The following NTF3 variants were observed in gnomAD, a reference collection of about 807,000 sequenced individuals.
NTF3 encodes the protein neurotrophin-3.
In NTF3, 8 loss-of-function variants were observed where a neutral mutation model predicts 26.3. The observed-to-expected ratio is 0.30, with a 90% CI of 0.18 to 0.55. The LOEUF is 0.55. NTF3 is among the 20% of genes least tolerant of loss of function. The probability of loss-of-function intolerance (pLI) is 0.93; values close to 1 mark genes in which losing one functional copy is unlikely to be tolerated. For missense variants in NTF3, 276 were observed against 352.9 expected, an observed-to-expected ratio of 0.78 and a Z score of 1.75; for synonymous variants, 154 against 145.5, an observed-to-expected ratio of 1.06 and a Z score of -0.42.
Position 5,494,482 on chromosome 12 carries a change from A to C in NTF3, c.307A>C (p.Thr103Pro), listed in dbSNP as rs764224887. Reference sequence around the variant, plus strand: ...ATTCCAGCCGGTGATTGCAATGGACACCGAACTGCTGCGACAACAGAGACG... The same window carrying C: ...ATTCCAGCCGGTGATTGCAATGGACCCCGAACTGCTGCGACAACAGAGACG... Reference protein sequence around the residue: ...SAFQPVIAMDTELLRQQRRYN... With the variant: ...SAFQPVIAMDPELLRQQRRYN... Residue 103 changes from threonine (T) to proline (P), a missense_variant, in exon 2 of 2, where the codon ACC becomes CCC. Thr to Pro is a conservative substitution (Grantham distance 38). Around this residue, in one of 3 missense-constraint regions of NTF3, gnomAD observed 221 missense variants for 258.2 expected, o/e 0.86. Transcript: ENST00000423158. This position sits in a 1 kb window ranked among gnomAD's most constrained non-coding sequence, Gnocchi z 8.3. 2.5e-6 allele frequency: 4 copies of C among 1,613,748 alleles called. No individual in the cohort carries two copies. Among genetic ancestry groups the C allele is most frequent in the Non-Finnish European group, 3.4e-6 (4 of 1,180,006 alleles).
intron 1 of NTF3, among the ~76,000 whole-genome samples, chr12:5,474,961 G>A (rs917016798): frequency 7.2e-5 from 11 of 152,254 alleles, no homozygotes; most frequent in African/African-American, 2.4e-4. Flanking sequence ...GGGGGAGGAT[G>A]GTGACTTCAG....
chr12:5,444,410 G>A (rs1299490987), intron 1 of NTF3, among the ~76,000 whole-genome samples: 1 of 152,196 alleles, frequency 6.6e-6, no homozygotes, highest in Non-Finnish European at 1.5e-5. Flanking sequence ...CAACAGATAT[G>A]GAGCCAAACA....
In NTF3 at chr12:5,494,170, T is replaced by C. The variant is rs377629323; in HGVS notation, c.19-24T>C. On this transcript the variant is annotated intron_variant, in intron 1 of 1. Transcript: ENST00000423158. This position sits in a 1 kb window ranked among gnomAD's most constrained non-coding sequence, Gnocchi z 8.3. ...CAGACTCAGCTGCCAGAGCCTGCTCTTAACACCTGTGTTTCCTTTTCAGAT... is the reference window on the plus strand; with the variant it reads ...CAGACTCAGCTGCCAGAGCCTGCTCCTAACACCTGTGTTTCCTTTTCAGAT... The C allele has an allele frequency of 2.9e-5, 46 of 1,605,816 alleles. No homozygotes were observed. In the African/African-American group the frequency reaches 5.3e-4, roughly 19 times the overall value.
At chr12:5,454,468 G>T (rs914396681) in intron 1 of NTF3, among the ~76,000 whole-genome samples, 10 of 152,270 alleles carry the variant, frequency 6.6e-5, no homozygotes, top group Admixed American at 5.9e-4. Context: ...ATATCTTGGT[G>T]GTAGACACAA....
At chr12:5,459,627 C>T (rs911132221) in intron 1 of NTF3, among the ~76,000 whole-genome samples, 1 of 152,176 alleles carries the variant, frequency 6.6e-6, no homozygotes, top group Non-Finnish European at 1.5e-5. Context: ...CCTGCAGTTG[C>T]AATACGAGAG....
chr12:5,479,018 G>A (rs1197775695), intron 1 of NTF3, among the ~76,000 whole-genome samples: 1 of 152,210 alleles, frequency 6.6e-6, no homozygotes, highest in Non-Finnish European at 1.5e-5. Flanking sequence ...TAGTTCAGTT[G>A]TCTCATTAGC....
At chr12:5,482,934 C>T (rs1304114837) in intron 1 of NTF3, among the ~76,000 whole-genome samples, 3 of 151,270 alleles carry the variant, frequency 2.0e-5, no homozygotes, top group East Asian at 3.9e-4. Flanking sequence ...CTCCTTCTCT[C>T]GGTTCTGTAT....
At chr12:5,481,347 C>G (rs539890621) in intron 1 of NTF3, among the ~76,000 whole-genome samples, 2 of 151,930 alleles carry the variant, frequency 1.3e-5, no homozygotes, top group East Asian at 3.9e-4. Context: ...CCCAGCACAC[C>G]ACGCACACAT....
At position 5,432,290 on chromosome 12, in the gene NTF3, A is replaced by C. The variant is rs1467496010; in HGVS notation, c.-35A>C. The C allele has an allele frequency of 6.2e-7, 1 of 1,611,470 alleles. No homozygotes were observed. The highest frequency in any genetic ancestry group is 8.5e-7 in the Non-Finnish European group (1 of 1,178,994). On this transcript the variant is annotated 5_prime_UTR_variant, in exon 1 of 2. It removes an upstream start codon present in the reference 5' UTR. Transcript: ENST00000423158. ...CGAGCTCGCGTCCACCTTTCTCTTC[A>C]TGTCGACGTCCCTGGAAACGGCCAC... is the stretch of plus-strand genomic sequence containing the variant.
rs1940683856 is a variant in NTF3 at position 5,473,015 on chromosome 12, C to G, written c.19-21179C>G. The stretch of plus-strand genomic sequence containing the variant: ...AAGCTAGATATATTCTTGAAAGGCT[C>G]CAGCAGCAGAGTTCCCGTCTTGTTT... On this transcript the variant is annotated intron_variant, in intron 1 of 1. Coordinates refer to ENST00000423158, the MANE Select transcript of NTF3 (RefSeq NM_001102654.2). Among the ~76,000 whole-genome samples the G allele has an allele frequency of 2.0e-5, 3 of 152,176 alleles. No homozygotes were observed. The South Asian group carries it at 6.2e-4, about 31-fold the overall frequency.
chr12:5,468,858 C>A (rs1047479848), intron 1 of NTF3, among the ~76,000 whole-genome samples: 1 of 152,216 alleles, frequency 6.6e-6, no homozygotes, highest in South Asian at 2.1e-4. Flanking sequence ...TGGTGGCTCA[C>A]ACCTGTAGTC....
intron 1 of NTF3, among the ~76,000 whole-genome samples, chr12:5,438,559 AT>A (rs75379575): frequency 0.078 from 11,840 of 151,254 alleles, 570 homozygotes; most frequent in Non-Finnish European, 0.11. Flanking sequence ...GTTGAGCCCC[AT>A]TTTTTTTTGT....
chr12:5,430,456 C>T (rs1029848492), upstream of NTF3, among the ~76,000 whole-genome samples: 14 of 151,164 alleles, frequency 9.3e-5, no homozygotes, highest in African/African-American at 3.4e-4. Flanking sequence ...CCTACCCTTG[C>T]GAGGGACCGC....
intron 1 of NTF3, among the ~76,000 whole-genome samples, chr12:5,476,844 A>G (rs1399915343): frequency 6.6e-6 from 1 of 152,238 alleles, no homozygotes; most frequent in African/African-American, 2.4e-5. Context: ...GTGAAATAAG[A>G]AAGTTCCAGA....
At chr12:5,431,961 C>CG (rs376881723), upstream of NTF3, among the ~76,000 whole-genome samples, 2,192 of 126,002 alleles carry the variant, frequency 0.017, 26 homozygotes, top group Admixed American at 0.04. Context: ...GAAGTGAGGG[C>CG]GGGGGGGGGG....
intron 1 of NTF3, among the ~76,000 whole-genome samples, chr12:5,452,372 G>A (rs1338875667): frequency 6.6e-6 from 1 of 152,156 alleles, no homozygotes; most frequent in Non-Finnish European, 1.5e-5. Context: ...TGGAATTACA[G>A]GCGTGAGCCA....
intron 1 of NTF3, among the ~76,000 whole-genome samples, chr12:5,481,734 C>T (rs1198608212): frequency 1.3e-5 from 2 of 151,144 alleles, no homozygotes; most frequent in African/African-American, 4.9e-5. Context: ...CACACACACA[C>T]AGAATAACAC....
rs1940102046 is a variant in NTF3, at chr12:5,432,340, A to G, written c.16A>G (p.Thr6Ala). 2 of 1,611,262 alleles carry G rather than the reference A, an allele frequency of 1.2e-6. No individual in the cohort carries two copies. Among genetic ancestry groups the G allele is most frequent in the Non-Finnish European group, 8.5e-7 (1 of 1,178,946 alleles). The change falls in exon 1 of 2, where the codon ACG (threonine) becomes GCG (alanine). Residue 6 changes from threonine (T) to alanine (A), a missense_variant and splice_region_variant. By Grantham distance (58) the Thr-to-Ala change is moderately conservative. Coordinates refer to ENST00000423158, the MANE Select transcript of NTF3 (RefSeq NM_001102654.2). Reference sequence around the variant, plus strand: ...CACGGATGCCATGGTTACTTTTGCCACGGTAAGGGGAGGCGGCGGGCACCT... The same window carrying G: ...CACGGATGCCATGGTTACTTTTGCCGCGGTAAGGGGAGGCGGCGGGCACCT... MVTFA[T>A]ILQVNKVMSI...
intron 1 of NTF3, among the ~76,000 whole-genome samples, chr12:5,493,977 A>G (rs1353784558): frequency 3.3e-5 from 5 of 152,148 alleles, no homozygotes; most frequent in Non-Finnish European, 7.3e-5. Flanking sequence ...TGCAAAAAGC[A>G]GAGTCGGCAG....
Sources: gnomAD v4.1 joint callset for allele counts (sites outside exome capture counted in the v4.1 genomes callset) on GRCh38, gnomAD v4.1.1 for gene constraint, gnomAD v4.1.1 regional missense constraint, Gnocchi (gnomAD v3.1) non-coding constraint, MANE v1.5 for transcripts, NCBI Gene and HGNC (gene_info 2026-07-23, HGNC 2026-07-21) for gene names.